SLC4A4: variants seen among roughly 807,000 people sequenced by gnomAD.
The protein encoded by SLC4A4 is electrogenic sodium bicarbonate cotransporter 1.
SLC4A4 carries 27 observed loss-of-function variants against 111.5 expected under a neutral mutation model. That is an observed-to-expected ratio of 0.24 (90% CI 0.18 to 0.33). The LOEUF (loss-of-function observed/expected upper bound fraction) is 0.33. Among genes scored for constraint, SLC4A4 ranks in the 10% least tolerant of loss-of-function variants. SLC4A4 has a pLI of 1.00. For synonymous variants in SLC4A4, 443 were observed against 463.4 expected (o/e 0.96, Z 0.57); for missense variants, 909 against 1,315.5 (o/e 0.69, Z 4.78).
chr4:71,142,728 C>A (rs1013015930), intron 2 of SLC4A4, among the ~76,000 whole-genome samples: 1 of 149,918 alleles, frequency 6.7e-6, no homozygotes, highest in Non-Finnish European at 1.5e-5. Context: ...GCAACTCTCT[C>A]CAGCCATTCC....
intron 3 of SLC4A4, among the ~76,000 whole-genome samples, chr4:71,261,320 T>G (rs1407224783): frequency 6.6e-6 from 1 of 152,198 alleles, no homozygotes; most frequent in Non-Finnish European, 1.5e-5. Flanking sequence ...GCAGTTGTAA[T>G]TCCCCGTTCT....
At chr4:71,293,859 T>C (rs1374350326) in intron 3 of SLC4A4, among the ~76,000 whole-genome samples, 1 of 152,238 alleles carries the variant, frequency 6.6e-6, no homozygotes, top group East Asian at 1.9e-4. Context: ...TCACTCTTAG[T>C]CTGAGCGCTC....
intron 2 of SLC4A4, among the ~76,000 whole-genome samples, chr4:71,153,258 G>A (rs1219716320): frequency 5.3e-5 from 8 of 151,116 alleles, no homozygotes; most frequent in Admixed American, 3.9e-4. Flanking sequence ...CAAGCTGGCA[G>A]CTGATTAAAT....
chr4:71,170,561 A>C (rs1160696872), intron 2 of SLC4A4, among the ~76,000 whole-genome samples: 2 of 152,236 alleles, frequency 1.3e-5, no homozygotes, highest in African/African-American at 4.8e-5. Context: ...GAACTTGTAA[A>C]CATTATTAAC....
chr4:71,296,695 T>C (rs575190896), intron 3 of SLC4A4, among the ~76,000 whole-genome samples: 2 of 152,348 alleles, frequency 1.3e-5, no homozygotes, highest in African/African-American at 4.8e-5. Flanking sequence ...GGTTAACTTA[T>C]GTGTGTTTGG....
chr4:71,265,903 A>G (rs1578710253), intron 3 of SLC4A4, among the ~76,000 whole-genome samples: 1 of 152,186 alleles, frequency 6.6e-6, no homozygotes, highest in East Asian at 1.9e-4. Flanking sequence ...CATATGATAA[A>G]TATCTTTAGC....
intron 2 of SLC4A4, among the ~76,000 whole-genome samples, chr4:71,123,813 G>A (rs1560731990): frequency 6.6e-6 from 1 of 152,070 alleles, no homozygotes; most frequent in Non-Finnish European, 1.5e-5. Flanking sequence ...TTGTTATAAC[G>A]TTTGGATATT....
chr4:71,416,521 G>T (rs1721839604), intron 7 of SLC4A4, among the ~76,000 whole-genome samples: 1 of 152,084 alleles, frequency 6.6e-6, no homozygotes, highest in South Asian at 2.1e-4. Flanking sequence ...TGAAACTGCA[G>T]AAGCAAAACC....
chr4:71,439,435 C>CAAAAAAAAAAAAAAAAAAAAA (rs56283596), intron 7 of SLC4A4, among the ~76,000 whole-genome samples: 1 of 34,182 alleles, frequency 2.9e-5, no homozygotes, highest in Non-Finnish European at 5.5e-5. Context: ...GACTCTGTCT[C>CAAAAAAAAAAAAAAAAAAAAA]AAAAAAAAAA....
At chr4:71,137,322 C>T (rs1743872867) in intron 2 of SLC4A4, among the ~76,000 whole-genome samples, 1 of 152,212 alleles carries the variant, frequency 6.6e-6, no homozygotes, top group African/African-American at 2.4e-5. Context: ...AGTCATCCTC[C>T]ATTGATTGCT....
intron 16 of SLC4A4, among the ~76,000 whole-genome samples, chr4:71,509,483 G>T (rs1241388847): frequency 6.6e-6 from 1 of 151,988 alleles, no homozygotes. Context: ...GGTAGACTCA[G>T]TAGCATGGTT....
intron 2 of SLC4A4, among the ~76,000 whole-genome samples, chr4:71,249,748 G>A (rs1169003129): frequency 6.6e-6 from 1 of 152,022 alleles, no homozygotes; most frequent in Non-Finnish European, 1.5e-5. Flanking sequence ...AAAACTAGTT[G>A]GGCATGATGG....
chr4:71,384,795 T>A (rs1327612961), intron 6 of SLC4A4, among the ~76,000 whole-genome samples: 1 of 152,056 alleles, frequency 6.6e-6, no homozygotes, highest in African/African-American at 2.4e-5. Context: ...AAAACCTATT[T>A]TTGTAGCAAA....
chr4:71,069,540 C>T (rs1289489900), intron 1 of SLC4A4, among the ~76,000 whole-genome samples: 2 of 152,134 alleles, frequency 1.3e-5, no homozygotes, highest in Admixed American at 1.3e-4. Flanking sequence ...TGTTAAGCTG[C>T]TGTTTATAGG....
At chr4:71,427,818 G>A (rs1723282012) in intron 7 of SLC4A4, among the ~76,000 whole-genome samples, 1 of 152,076 alleles carries the variant, frequency 6.6e-6, no homozygotes. Context: ...CACAGAATCT[G>A]AATCTTGGGA....
At chr4:71,115,393 C>CAAAA (rs1333513373) in intron 2 of SLC4A4, among the ~76,000 whole-genome samples, 10 of 152,110 alleles carry the variant, frequency 6.6e-5, no homozygotes, top group Admixed American at 1.3e-4. Flanking sequence ...AACAAACAAA[C>CAAAA]AAACAAAAAA....
intron 2 of SLC4A4, among the ~76,000 whole-genome samples, chr4:71,155,583 T>C (rs1744435314): frequency 6.6e-6 from 1 of 152,022 alleles, no homozygotes; most frequent in African/African-American, 2.4e-5. Flanking sequence ...CCCCCACAGC[T>C]TCCTGAGTAG....
chr4:71,114,934 C>G (rs1471572203), intron 2 of SLC4A4, among the ~76,000 whole-genome samples: 1 of 122,598 alleles, frequency 8.2e-6, no homozygotes, highest in Non-Finnish European at 1.7e-5. Context: ...TTGGAACCAA[C>G]CCAAATGTCC....
chr4:71,419,020 C>T lies in SLC4A4; in HGVS notation c.807+21367C>T, dbSNP rs144631375. ...TGCAGAACAGCAGTTTTTCATGAACCGCGAATGCAGCTGTCTGATCATTCC... is the reference window on the plus strand; with the variant it reads ...TGCAGAACAGCAGTTTTTCATGAACTGCGAATGCAGCTGTCTGATCATTCC... On this transcript the variant is annotated intron_variant, in intron 7 of 25. Transcript: ENST00000264485. Among the ~76,000 whole-genome samples, 1,485 of 152,244 alleles carry T rather than the reference C, an allele frequency of 9.8e-3. 17 individuals are homozygous for T. Among genetic ancestry groups the T allele is most frequent in the Non-Finnish European group, 0.015 (1,011 of 68,014 alleles).
Sources: gnomAD v4.1 joint callset for allele counts (sites outside exome capture counted in the v4.1 genomes callset) on GRCh38, gnomAD v4.1.1 for gene constraint, MANE v1.5 for transcripts, NCBI Gene and HGNC (gene_info 2026-07-23, HGNC 2026-07-21) for gene names.